TCERG1L: variants seen among roughly 807,000 people sequenced by gnomAD.
TCERG1L encodes transcription elongation regulator 1 like, also known as transcription elongation regulator 1-like protein.
Under a neutral mutation model 56.3 loss-of-function variants are expected in TCERG1L, and 37 were observed. The ratio of observed to expected loss-of-function variants is 0.66; its 90% CI spans 0.51 to 0.87. The LOEUF is 0.87. Among genes scored for constraint, TCERG1L ranks in the 40% least tolerant of loss-of-function variants. The probability of loss-of-function intolerance (pLI) is 0.00; values close to 1 mark genes in which losing one functional copy is unlikely to be tolerated. For missense variants in TCERG1L, 799 were observed against 774.2 expected, an observed-to-expected ratio of 1.03 and a Z score of -0.38; for synonymous variants, 324 against 326.3, an observed-to-expected ratio of 0.99 and a Z score of 0.08.
intron 3 of TCERG1L, among the ~76,000 whole-genome samples, chr10:131,278,093 G>A (rs1366566490): frequency 2.0e-5 from 3 of 151,844 alleles, no homozygotes; most frequent in Admixed American, 6.6e-5. Context: ...GCCTCCCCCC[G>A]GGCCCACTGG....
At position 131,289,598 on chromosome 10, in the gene TCERG1L, A is replaced by T. The variant is rs202172228; in HGVS notation, c.670+18613T>A. Among the ~76,000 whole-genome samples, 14 of 37,688 alleles carry T rather than the reference A, an allele frequency of 3.7e-4. 1 individual carries two copies. Among genetic ancestry groups the T allele is most frequent in the African/African-American group, 1.0e-3 (14 of 13,630 alleles). The allele number at this position is 37,688 out of a possible 152,430, so 24.7% of individuals were successfully genotyped here. A position where few individuals can be genotyped will look rare whatever the true frequency, so the allele number is the denominator to read the frequency against. On this transcript the variant is annotated intron_variant, in intron 3 of 11. Coordinates refer to ENST00000368642, the MANE Select transcript of TCERG1L (RefSeq NM_174937.4). The stretch of plus-strand genomic sequence containing the variant: ...ACTGCCTCCATCTCCTATCAATGTG[A>T]GTGTATGTGTGCACCGCTGTGTGTG...
intron 4 of TCERG1L, among the ~76,000 whole-genome samples, chr10:131,196,051 C>T (rs1280638042): frequency 6.6e-6 from 1 of 152,196 alleles, no homozygotes; most frequent in African/African-American, 2.4e-5. Context: ...GCAGTGAGTA[C>T]CCCCATTGCC....
At chr10:131,274,364 T>G (rs1846372176) in intron 3 of TCERG1L, among the ~76,000 whole-genome samples, 2 of 152,196 alleles carry the variant, frequency 1.3e-5, no homozygotes, top group African/African-American at 4.8e-5. Context: ...CCAGCTGCAC[T>G]TGTTCAGTTT....
At position 131,267,627 on chromosome 10, in the gene TCERG1L, C is replaced by T. The variant is rs985285948; in HGVS notation, c.671-7183G>A. Among the ~76,000 whole-genome samples, 3 of 152,202 alleles carry T rather than the reference C, an allele frequency of 2.0e-5. No homozygotes were observed. The highest frequency in any genetic ancestry group is 2.4e-5 in the African/African-American group (1 of 41,448). On this transcript the variant is annotated intron_variant, in intron 3 of 11. Transcript: ENST00000368642. This position sits in a 1 kb window ranked among gnomAD's most constrained non-coding sequence, Gnocchi z 4.9. ...CATGAGTCCTGGCTGCAACTTTGGC[C>T]GGGTGCTTATGGGCTCCCAGGACAT...
chr10:131,151,188 A>G (rs983313709), intron 6 of TCERG1L, among the ~76,000 whole-genome samples: 3 of 152,150 alleles, frequency 2.0e-5, no homozygotes, highest in East Asian at 3.9e-4. Context: ...TGCCTTTCCA[A>G]CGGTCCCCCA....
chr10:131,293,283 TG>T (rs1209950640), intron 3 of TCERG1L, among the ~76,000 whole-genome samples: 1 of 152,236 alleles, frequency 6.6e-6, no homozygotes. Flanking sequence ...GATGGTTTCA[TG>T]TTTAACATCA....
intron 8 of TCERG1L, among the ~76,000 whole-genome samples, chr10:131,131,681 C>T (rs1321523532): frequency 6.6e-6 from 1 of 152,116 alleles, no homozygotes; most frequent in Non-Finnish European, 1.5e-5. Context: ...AAATGTGTAT[C>T]GATTATGCCA....
chr10:131,163,031 G>A, intron 6 of TCERG1L, 91 bp downstream of exon 6: 2 of 978,230 alleles, frequency 2.0e-6, no homozygotes, highest in Non-Finnish European at 2.9e-6. Context: ...GGATGCCTGA[G>A]AGACATGCAG....
intron 8 of TCERG1L, among the ~76,000 whole-genome samples, chr10:131,119,156 C>A (rs1845488505): frequency 1.3e-5 from 2 of 152,164 alleles, no homozygotes; most frequent in Admixed American, 6.5e-5. Context: ...GAAGTGTTTC[C>A]TCACTTGGCA....
intron 8 of TCERG1L, among the ~76,000 whole-genome samples, chr10:131,133,020 ATTC>A (rs998034398): frequency 6.6e-6 from 1 of 152,120 alleles, no homozygotes; most frequent in African/African-American, 2.4e-5. Context: ...AGACACTGTT[ATTC>A]TTCTTTGCAT....
chr10:131,107,982 C>CAT (rs1845371009), intron 9 of TCERG1L, among the ~76,000 whole-genome samples: 1 of 151,984 alleles, frequency 6.6e-6, no homozygotes, highest in East Asian at 1.9e-4. Context: ...CACACACACA[C>CAT]ACACACAGAG....
chr10:131,288,287 C>A (rs920523146), intron 3 of TCERG1L, among the ~76,000 whole-genome samples: 1 of 152,200 alleles, frequency 6.6e-6, no homozygotes, highest in Admixed American at 6.5e-5. Flanking sequence ...AGAAACCAGT[C>A]GGAACCGGGC....
intron 4 of TCERG1L, among the ~76,000 whole-genome samples, chr10:131,174,443 G>C (rs914584343): frequency 1.3e-5 from 2 of 152,098 alleles, no homozygotes; most frequent in Non-Finnish European, 2.9e-5. Context: ...GGTTGGAGAG[G>C]GCTCAGGTCA....
At position 131,237,827 on chromosome 10, in the gene TCERG1L, T is replaced by G. The variant is rs1845929223; in HGVS notation, c.856+22432A>C. Among the ~76,000 whole-genome samples the G allele has an allele frequency of 2.6e-5, 4 of 152,286 alleles. No individual in the cohort carries two copies. In the South Asian group the frequency reaches 8.3e-4, roughly 32 times the overall value. On this transcript the variant is annotated intron_variant, in intron 4 of 11. Coordinates refer to ENST00000368642, the MANE Select transcript of TCERG1L (RefSeq NM_174937.4). ...CGAGGGCCTTGAACCCGGTAACACC[T>G]AATGGGTTGCAAGTCTTCGTGTTCT...
At chr10:131,307,078 T>C (rs1248903309) in intron 3 of TCERG1L, among the ~76,000 whole-genome samples, 1 of 152,232 alleles carries the variant, frequency 6.6e-6, no homozygotes, top group African/African-American at 2.4e-5. Flanking sequence ...CCCTCCAAAG[T>C]CATGTCATAC....
intron 3 of TCERG1L, among the ~76,000 whole-genome samples, chr10:131,298,866 T>C (rs192411013): frequency 2.6e-5 from 4 of 152,360 alleles, no homozygotes; most frequent in Non-Finnish European, 5.9e-5. Flanking sequence ...GACAGTATTA[T>C]GCAAGTTCTC....
chr10:131,107,890 T>C (rs1216163403), intron 9 of TCERG1L, among the ~76,000 whole-genome samples: 1 of 151,750 alleles, frequency 6.6e-6, no homozygotes, highest in East Asian at 1.9e-4. Context: ...CACATGTACA[T>C]AGTTGCACAA....
chr10:131,167,778 G>A (rs1244331517), intron 4 of TCERG1L, among the ~76,000 whole-genome samples: 3 of 152,202 alleles, frequency 2.0e-5, no homozygotes, highest in Non-Finnish European at 4.4e-5. Context: ...TTGTTTCAGG[G>A]GAGGAAGGGA....
intron 4 of TCERG1L, among the ~76,000 whole-genome samples, chr10:131,209,980 C>T (rs1018056027): frequency 4.6e-5 from 7 of 152,100 alleles, no homozygotes; most frequent in African/African-American, 1.2e-4. Flanking sequence ...ATTTTGATGC[C>T]GTCGTAATTT....
Sources: gnomAD v4.1 joint callset for allele counts (sites outside exome capture counted in the v4.1 genomes callset) on GRCh38, gnomAD v4.1.1 for gene constraint, Gnocchi (gnomAD v3.1) non-coding constraint, MANE v1.5 for transcripts, NCBI Gene and HGNC (gene_info 2026-07-23, HGNC 2026-07-21) for gene names.